CCBE1: variants seen among roughly 807,000 people sequenced by gnomAD.
CCBE1 encodes the protein collagen and calcium-binding EGF domain-containing protein 1.
In CCBE1, 37 loss-of-function variants were observed where a neutral mutation model predicts 50.0. The ratio of observed to expected loss-of-function variants is 0.74; its 90% CI spans 0.57 to 0.97. CCBE1 has a LOEUF of 0.97. Among genes scored for constraint, CCBE1 ranks in the 50% least tolerant of loss-of-function variants. The pLI, the probability that CCBE1 is intolerant of heterozygous loss-of-function variation, is 0.00. For missense variants in CCBE1, 538 were observed against 523.8 expected (o/e 1.03, Z -0.26); for synonymous variants, 234 against 203.7 (o/e 1.15, Z -1.27).
chr18:59,599,328 A>G (rs1424549044), intron 2 of CCBE1, among the ~76,000 whole-genome samples: 1 of 152,212 alleles, frequency 6.6e-6, no homozygotes, highest in Non-Finnish European at 1.5e-5. Context: ...AACTAATTTT[A>G]AAAGATAATA....
At chr18:59,542,925 C>T (rs1488661202) in intron 2 of CCBE1, among the ~76,000 whole-genome samples, 1 of 152,222 alleles carries the variant, frequency 6.6e-6, no homozygotes, top group African/African-American at 2.4e-5. Context: ...TCGAACCCCA[C>T]TAGGGATGAA....
At chr18:59,668,564 T>TC (rs2054388327) in intron 2 of CCBE1, among the ~76,000 whole-genome samples, 1 of 152,134 alleles carries the variant, frequency 6.6e-6, no homozygotes, top group African/African-American at 2.4e-5. Context: ...TGAAATAGCT[T>TC]CCATTCTATG....
intron 2 of CCBE1, among the ~76,000 whole-genome samples, chr18:59,535,387 C>T (rs1265016681): frequency 6.6e-6 from 1 of 152,128 alleles, no homozygotes; most frequent in African/African-American, 2.4e-5. Context: ...AATGTAAAAG[C>T]CCGGCATTAC....
chr18:59,495,712 ATGACCCTC>A lies in CCBE1; in HGVS notation c.213-15482_213-15475del, dbSNP rs1448226926. ...TTTTGCAAACACGTGGAAAAGGAAG[ATGACCCTC>A]TGACCCTCTGATGTGCCTTTAGATG... On this transcript the variant is annotated intron_variant, in intron 2 of 10. Transcript: ENST00000439986. Among the ~76,000 whole-genome samples the A allele has an allele frequency of 2.2e-4, 34 of 152,036 alleles. No individual in the cohort carries two copies. In the South Asian group the frequency reaches 6.4e-3, roughly 29 times the overall value.
At chr18:59,483,769 C>T (rs1386055146) in intron 2 of CCBE1, among the ~76,000 whole-genome samples, 1 of 152,164 alleles carries the variant, frequency 6.6e-6, no homozygotes, top group Admixed American at 6.5e-5. Flanking sequence ...AGATATCTTA[C>T]TTCAAAAGCA....
At chr18:59,687,604 A>G (rs1332348536) in intron 2 of CCBE1, among the ~76,000 whole-genome samples, 2 of 152,166 alleles carry the variant, frequency 1.3e-5, no homozygotes, top group African/African-American at 4.8e-5. Context: ...TAAAGCCATC[A>G]CTATTTAGGA....
chr18:59,472,944 A>G (rs918259750), intron 3 of CCBE1, among the ~76,000 whole-genome samples: 3 of 152,140 alleles, frequency 2.0e-5, no homozygotes, highest in Non-Finnish European at 4.4e-5. Context: ...AAACCATCAG[A>G]TCTTGTGAGA....
At chr18:59,578,291 C>A (rs1376295278) in intron 2 of CCBE1, among the ~76,000 whole-genome samples, 3 of 152,130 alleles carry the variant, frequency 2.0e-5, no homozygotes, top group Non-Finnish European at 4.4e-5. Flanking sequence ...ATTAACAAGT[C>A]AGGAAACAGA....
chr18:59,483,044 G>A (rs1289435135), intron 2 of CCBE1, among the ~76,000 whole-genome samples: 1 of 152,084 alleles, frequency 6.6e-6, no homozygotes, highest in East Asian at 1.9e-4. Flanking sequence ...GTCACCTACA[G>A]CCTATCATGT....
At chr18:59,627,483 C>T (rs992798581) in intron 2 of CCBE1, among the ~76,000 whole-genome samples, 1 of 152,080 alleles carries the variant, frequency 6.6e-6, no homozygotes, top group Non-Finnish European at 1.5e-5. Flanking sequence ...TTCCTGGTAC[C>T]GGAGAAATAG....
chr18:59,628,569 C>A (rs139057305), intron 2 of CCBE1, among the ~76,000 whole-genome samples: 1 of 152,202 alleles, frequency 6.6e-6, no homozygotes, highest in Admixed American at 6.5e-5. Flanking sequence ...ACCGCGATGT[C>A]CATGGCTTCG....
intron 2 of CCBE1, among the ~76,000 whole-genome samples, chr18:59,693,621 G>T (rs766208419): frequency 2.6e-5 from 4 of 152,100 alleles, no homozygotes; most frequent in Non-Finnish European, 5.9e-5. Flanking sequence ...ATACACCATT[G>T]CTTATTGCTC....
Position 59,434,939 on chromosome 18 carries a change from G to C in CCBE1, c.*969C>G, listed in dbSNP as rs1021500803. 2 of 152,174 alleles carry C rather than the reference G, an allele frequency of 1.3e-5. No individual in the cohort carries two copies. Among genetic ancestry groups the C allele is most frequent in the African/African-American group, 4.8e-5 (2 of 41,432 alleles). The allele number at this position is 152,174 out of a possible 1,614,324, so 9.4% of individuals were successfully genotyped here. A position where few individuals can be genotyped will look rare whatever the true frequency, so the allele number is the denominator to read the frequency against. On this transcript the variant is annotated 3_prime_UTR_variant, in exon 11 of 11. Coordinates refer to ENST00000439986, the MANE Select transcript of CCBE1 (RefSeq NM_133459.4). ...GCAGACTTCAGCCCCACTGTATATT[G>C]GTTCAGCCTGGATCATGGCACCTAA...
rs71177045 is a variant in CCBE1, at chr18:59,601,010, GTTTTTTTTTTTTTTTTTTT to G, written c.212+95600_212+95618del. On this transcript the variant is annotated intron_variant, in intron 2 of 10. Coordinates refer to ENST00000439986, the MANE Select transcript of CCBE1 (RefSeq NM_133459.4). ...GATCTATTTTATTAGCTATGTGTCA[GTTTTTTTTTTTTTTTTTTT>G]TTTTTTTTTTTTTTTTTTGTAAGAC... 2.0e-3 allele frequency among the ~76,000 whole-genome samples: 118 copies of G among 58,008 alleles called. 1 individual carries two copies. The South Asian group carries it at 0.03, about 15-fold the overall frequency. The allele number at this position is 58,008 out of a possible 152,430, so 38.1% of individuals were successfully genotyped here.
At chr18:59,588,408 GA>G (rs954118241) in intron 2 of CCBE1, among the ~76,000 whole-genome samples, 1 of 151,456 alleles carries the variant, frequency 6.6e-6, no homozygotes, top group African/African-American at 2.4e-5. Context: ...TATAAAGAAA[GA>G]AAAAAAAGAG....
chr18:59,603,477 A>G, intron 2 of CCBE1, among the ~76,000 whole-genome samples: 1 of 152,226 alleles, frequency 6.6e-6, no homozygotes, highest in Non-Finnish European at 1.5e-5. Context: ...TCTGATTTAA[A>G]TATAGTCTCT....
At chr18:59,440,768 C>T (rs965049979) in intron 7 of CCBE1, among the ~76,000 whole-genome samples, 4 of 152,112 alleles carry the variant, frequency 2.6e-5, no homozygotes, top group Admixed American at 6.6e-5. Flanking sequence ...CCCCAAGGCC[C>T]AGAAGCATAG....
At chr18:59,680,258 G>A (rs2054568817) in intron 2 of CCBE1, among the ~76,000 whole-genome samples, 1 of 150,954 alleles carries the variant, frequency 6.6e-6, no homozygotes, top group African/African-American at 2.4e-5. Context: ...CAAAGGAGCC[G>A]ATCAGATACG....
At chr18:59,554,813 G>A (rs1315052383) in intron 2 of CCBE1, among the ~76,000 whole-genome samples, 3 of 152,186 alleles carry the variant, frequency 2.0e-5, no homozygotes, top group Admixed American at 6.5e-5. Context: ...GGACAACCCC[G>A]TGGAGACAAA....
Sources: gnomAD v4.1 joint callset for allele counts (sites outside exome capture counted in the v4.1 genomes callset) on GRCh38, gnomAD v4.1.1 for gene constraint, MANE v1.5 for transcripts, NCBI Gene and HGNC (gene_info 2026-07-23, HGNC 2026-07-21) for gene names.